MTMR10: variants seen among roughly 807,000 people sequenced by gnomAD.
The protein encoded by MTMR10 is myotubularin-related protein 10.
Under a neutral mutation model 88.1 loss-of-function variants are expected in MTMR10, and 56 were observed. That is an observed-to-expected ratio of 0.64 (90% CI 0.51 to 0.79). The LOEUF (loss-of-function observed/expected upper bound fraction) is 0.79. Ranked by LOEUF, MTMR10 falls within the 30% of genes least tolerant of loss-of-function variation. MTMR10 has a pLI of 0.00. For missense variants in MTMR10, 883 were observed against 924.7 expected (o/e 0.95, Z 0.58); for synonymous variants, 380 against 340.9 (o/e 1.11, Z -1.26).
At chr15:30,921,105 A>G in the MTMR10 span, among the ~76,000 whole-genome samples, 1 of 152,194 alleles carries the variant, frequency 6.6e-6, no homozygotes, top group African/African-American at 2.4e-5. Flanking sequence ...GTGCCTGGCC[A>G]ACGAGGGCAT....
At chr15:30,942,370 A>C in intron 15 of MTMR10, 1 of 450,790 alleles carries the variant, frequency 2.2e-6, no homozygotes, top group South Asian at 3.3e-5. Context: ...AAAACACTAG[A>C]CCTGGCCGAT....
At chr15:30,936,780 GC>G (rs2062866368), downstream of MTMR10, among the ~76,000 whole-genome samples, 1 of 152,216 alleles carries the variant, frequency 6.6e-6, no homozygotes, top group East Asian at 1.9e-4. Context: ...GTAGTTCACT[GC>G]AAACCGTAGA....
At chr15:30,929,819 T>TAA in the MTMR10 span, among the ~76,000 whole-genome samples, 4 of 44,380 alleles carry the variant, frequency 9.0e-5, no homozygotes, top group African/African-American at 6.5e-4. Context: ...ATATAATATA[T>TAA]TATATCATAT....
intron 5 of MTMR10, among the ~76,000 whole-genome samples, chr15:30,971,939 T>C (rs2063543073): frequency 6.6e-6 from 1 of 152,144 alleles, no homozygotes; most frequent in Non-Finnish European, 1.5e-5. Flanking sequence ...CATAATACAA[T>C]TGAAACAACA....
chr15:30,922,292 A>G, the MTMR10 span: 1 of 1,614,002 alleles, frequency 6.2e-7, no homozygotes, highest in African/African-American at 1.3e-5. Flanking sequence ...TCCTGACAGC[A>G]GAGGCCGATG....
the MTMR10 span, among the ~76,000 whole-genome samples, chr15:30,930,286 C>T: frequency 6.6e-6 from 1 of 152,006 alleles, no homozygotes. Context: ...TCTTCCTCAG[C>T]GCTCCCCAGC....
the MTMR10 span, chr15:30,928,539 T>TGTGTGTGTGTGC: frequency 6.2e-7 from 1 of 1,611,176 alleles, no homozygotes; most frequent in Non-Finnish European, 8.5e-7. Context: ...TGTGTGTGTG[T>TGTGTGTGTGTGC]GACCTTGTCT....
At chr15:30,946,679 C>A (rs571976504) in intron 14 of MTMR10, 1 of 697,070 alleles carries the variant, frequency 1.4e-6, no homozygotes. Flanking sequence ...GCTTGAGACC[C>A]TGCTTAGTCA....
intron 9 of MTMR10, among the ~76,000 whole-genome samples, chr15:30,955,428 A>T (rs928179187): frequency 1.3e-5 from 2 of 151,850 alleles, no homozygotes; most frequent in Non-Finnish European, 2.9e-5. Context: ...CCGCCACCAC[A>T]CCTGGCTAAA....
At chr15:30,938,917 G>A (rs1387818645), downstream of MTMR10, 3 of 985,110 alleles carry the variant, frequency 3.0e-6, no homozygotes, top group African/African-American at 1.7e-5. Context: ...TGTTCCAGTA[G>A]ATGATTTCAT....
At chr15:30,942,108 C>T (rs1394627927) in intron 15 of MTMR10, 36 bp from the exon 16 acceptor site, 1 of 1,570,734 alleles carries the variant, frequency 6.4e-7, no homozygotes, top group Non-Finnish European at 8.6e-7. Context: ...TCCGGGGATT[C>T]CCTTTTTAGA....
chr15:30,970,246 T>C (rs1414492956), intron 5 of MTMR10, among the ~76,000 whole-genome samples: 1 of 152,118 alleles, frequency 6.6e-6, no homozygotes, highest in Non-Finnish European at 1.5e-5. Context: ...CTAATCCCTG[T>C]CCTCATGAAG....
Position 30,954,763 on chromosome 15 carries a change from C to T in MTMR10, c.1066G>A (p.Glu356Lys). 6.3e-7 allele frequency: 1 copy of T among 1,592,218 alleles called. No homozygotes were observed. The highest frequency in any genetic ancestry group is 1.2e-5 in the South Asian group (1 of 86,710). The change falls in exon 10 of 16, where the codon GAG (glutamate) becomes AAG (lysine). Residue 356 changes from glutamate (E) to lysine (K), a missense_variant and splice_region_variant. Around this residue, in one of 3 missense-constraint regions of MTMR10, gnomAD observed 414 missense variants for 423.2 expected, o/e 0.98. Coordinates refer to ENST00000435680, the MANE Select transcript of MTMR10 (RefSeq NM_017762.3). ...ATATATGAAATAAGAATGAAATTACCATTAACGCATAGCTGCTTCAGTTTT... is the reference window on the plus strand; with the variant it reads ...ATATATGAAATAAGAATGAAATTACTATTAACGCATAGCTGCTTCAGTTTT... ...FVKLKQLCVNEPFEETEEKWL... is the reference protein window; with the variant it reads ...FVKLKQLCVNKPFEETEEKWL...
the MTMR10 span, chr15:30,925,739 G>C: frequency 6.2e-7 from 1 of 1,604,386 alleles, no homozygotes; most frequent in East Asian, 2.2e-5. Flanking sequence ...AGGTTTTCAG[G>C]GACTTTTGCT....
At position 30,967,906 on chromosome 15, in the gene MTMR10, A is replaced by G; in HGVS notation, c.565+14T>C. 4 of 1,520,482 alleles carry G rather than the reference A, an allele frequency of 2.6e-6. No individual in the cohort carries two copies. Among genetic ancestry groups the G allele is most frequent in the Non-Finnish European group, 3.6e-6 (4 of 1,121,326 alleles). The allele number at this position is 1,520,482 out of a possible 1,614,324, so 94.2% of individuals were successfully genotyped here. A position where few individuals can be genotyped will look rare whatever the true frequency, so the allele number is the denominator to read the frequency against. On this transcript the variant is annotated intron_variant, in intron 6 of 15. Transcript: ENST00000435680. ...TGTAAAATTAGTCACAATATTTAAT[A>G]TTTTCATATTTACCTGAATTGTGGT...
chr15:30,944,103 A>T (rs2063130726), intron 14 of MTMR10: 1 of 815,518 alleles, frequency 1.2e-6, no homozygotes. Flanking sequence ...TATAGCAGTC[A>T]GGAGGCCATG....
At chr15:30,936,833 T>G (rs751263433), downstream of MTMR10, among the ~76,000 whole-genome samples, 8 of 150,928 alleles carry the variant, frequency 5.3e-5, no homozygotes, top group Non-Finnish European at 7.4e-5. Context: ...CTGGGAGCTG[T>G]GGCTCACTGC....
At chr15:30,962,786 C>G (rs911145747) in intron 6 of MTMR10, among the ~76,000 whole-genome samples, 7 of 152,164 alleles carry the variant, frequency 4.6e-5, no homozygotes, top group African/African-American at 1.7e-4. Flanking sequence ...TGTCTGAGTG[C>G]AATGAAGATG....
the MTMR10 span, chr15:30,929,142 CCT>C: frequency 6.8e-7 from 1 of 1,473,488 alleles, no homozygotes; most frequent in Non-Finnish European, 9.3e-7. Context: ...ACTGACTAGT[CCT>C]CTGGTGAACA....
Sources: gnomAD v4.1 joint callset for allele counts (sites outside exome capture counted in the v4.1 genomes callset) on GRCh38, gnomAD v4.1.1 for gene constraint, gnomAD v4.1.1 regional missense constraint, MANE v1.5 for transcripts, NCBI Gene and HGNC (gene_info 2026-07-23, HGNC 2026-07-21) for gene names.